SLC5A3: variants seen among roughly 807,000 people sequenced by gnomAD.
SLC5A3 encodes the protein solute carrier family 5 member 3.
Under a neutral mutation model 43.2 loss-of-function variants are expected in SLC5A3, and 10 were observed. The ratio of observed to expected loss-of-function variants is 0.23; its 90% CI spans 0.14 to 0.39. The LOEUF (loss-of-function observed/expected upper bound fraction) is 0.39. SLC5A3 is among the 10% of genes least tolerant of loss of function. The pLI, the probability that SLC5A3 is intolerant of heterozygous loss-of-function variation, is 1.00. For synonymous variants in SLC5A3, 349 were observed against 322.0 expected, an observed-to-expected ratio of 1.08 and a Z score of -0.90; for missense variants, 608 against 893.4, an observed-to-expected ratio of 0.68 and a Z score of 4.07.
intron 1 of SLC5A3, among the ~76,000 whole-genome samples, chr21:34,075,039 T>C (rs1989293460): frequency 6.6e-6 from 1 of 152,232 alleles, no homozygotes; most frequent in Non-Finnish European, 1.5e-5. Context: ...TGAATATCCC[T>C]TTTGGCCCTC....
chr21:34,090,488 G>A (rs1027058301), intron 1 of SLC5A3, among the ~76,000 whole-genome samples: 1 of 152,148 alleles, frequency 6.6e-6, no homozygotes, highest in Non-Finnish European at 1.5e-5. Context: ...TGAGACAGTT[G>A]GGAGTCTAAA....
intron 1 of SLC5A3, among the ~76,000 whole-genome samples, chr21:34,091,203 A>G (rs1978667192): frequency 6.6e-6 from 1 of 152,128 alleles, no homozygotes; most frequent in Non-Finnish European, 1.5e-5. Flanking sequence ...ATTGACTCCA[A>G]AGCTAAAAGA....
intron 1 of SLC5A3, among the ~76,000 whole-genome samples, chr21:34,086,517 TTG>T (rs34988334): frequency 0.73 from 108,651 of 148,224 alleles, 40,330 homozygotes; most frequent in East Asian, 0.88. Flanking sequence ...TAGTTTGTGT[TTG>T]TGTGTGTGTG....
intron 1 of SLC5A3, among the ~76,000 whole-genome samples, chr21:34,093,698 A>G (rs770950238): frequency 2.0e-5 from 3 of 152,238 alleles, no homozygotes; most frequent in Non-Finnish European, 4.4e-5. Flanking sequence ...TGTTGTTCGT[A>G]TTGATCTGTC....
rs774830116 is a variant in SLC5A3, at chr21:34,096,699, A to T, written c.1501A>T (p.Asn501Tyr). The T allele has an allele frequency of 6.2e-7, 1 of 1,614,122 alleles. No individual in the cohort carries two copies. Among genetic ancestry groups the T allele is most frequent in the Non-Finnish European group, 8.5e-7 (1 of 1,179,998 alleles). Residue 501 changes from asparagine (N) to tyrosine (Y), a missense_variant, in exon 2 of 2, where the codon AAT becomes TAT. Physicochemically the swap from Asn to Tyr is moderately radical, Grantham distance 143. Coordinates refer to ENST00000381151, the MANE Select transcript of SLC5A3 (RefSeq NM_006933.7). The surrounding 1 kb of genome is among the most constrained non-coding windows in gnomAD (Gnocchi z 5.9). Reference protein sequence around the residue: ...YRAPECDQPDNRPGFIKDIHY... With the variant: ...YRAPECDQPDYRPGFIKDIHY... ...TGCCCCAGAATGTGACCAACCTGATAATAGGCCGGGCTTCATCAAAGACAT... is the reference window on the plus strand; with the variant it reads ...TGCCCCAGAATGTGACCAACCTGATTATAGGCCGGGCTTCATCAAAGACAT...
rs565490244 is a variant in SLC5A3 at position 34,106,233 on chromosome 21, A to G, written c.*8878A>G. The G allele has an allele frequency of 1.5e-4, 137 of 927,490 alleles. No individual in the cohort carries two copies. Among genetic ancestry groups the G allele is most frequent in the Non-Finnish European group, 1.7e-4 (131 of 763,700 alleles). 57.5% of individuals were successfully genotyped at this position (927,490 alleles called of 1,614,324 possible). On this transcript the variant is annotated 3_prime_UTR_variant, in exon 2 of 2. Coordinates refer to ENST00000381151, the MANE Select transcript of SLC5A3 (RefSeq NM_006933.7). ...TTTATGGAAATGTTAGCAATTCTGT[A>G]CCAACTTTGAATAAAATGAAAAATT...
chr21:34,092,493 T>C (rs5000991), intron 1 of SLC5A3, among the ~76,000 whole-genome samples: 152,294 of 152,294 alleles, frequency 1, 76,147 homozygotes, highest in Non-Finnish European at 1. Context: ...AGGGTACTAT[T>C]TGGTACCTCT....
At position 34,073,633 on chromosome 21, in the gene SLC5A3, C is replaced by T. The variant is rs1434190201; in HGVS notation, c.-449C>T. 3.5e-5 allele frequency: 49 copies of T among 1,400,834 alleles called. 2 individuals are homozygous for T. Among genetic ancestry groups the T allele is most frequent in the Admixed American group, 9.6e-5 (5 of 51,990 alleles). 86.8% of individuals were successfully genotyped at this position (1,400,834 alleles called of 1,614,324 possible). A position where few individuals can be genotyped will look rare whatever the true frequency, so the allele number is the denominator to read the frequency against. ...GCAGTTTCTAGGTCCCCACTGTCCCCGCCGTCCCGCCCCTTCGCGTCCCGG... is the reference window on the plus strand; with the variant it reads ...GCAGTTTCTAGGTCCCCACTGTCCCTGCCGTCCCGCCCCTTCGCGTCCCGG... On this transcript the variant is annotated 5_prime_UTR_variant, in exon 1 of 2. Coordinates refer to ENST00000381151, the MANE Select transcript of SLC5A3 (RefSeq NM_006933.7).
chr21:34,093,577 C>G (rs541260910), intron 1 of SLC5A3, among the ~76,000 whole-genome samples: 1 of 151,594 alleles, frequency 6.6e-6, no homozygotes, highest in South Asian at 2.1e-4. Context: ...AGGAAAATGC[C>G]TAGAATCATC....
chr21:34,103,048 C>G lies in SLC5A3; in HGVS notation c.*5693C>G, dbSNP rs532661552. 1 of 999,916 alleles carries G rather than the reference C, an allele frequency of 1.0e-6. No individual in the cohort carries two copies. Among genetic ancestry groups the G allele is most frequent in the Non-Finnish European group, 1.2e-6 (1 of 829,826 alleles). 61.9% of individuals were successfully genotyped at this position (999,916 alleles called of 1,614,324 possible). Reference sequence around the variant, plus strand: ...CAATTTATCAACATAGCCTAGACTTCTGTAAGTGGAATGTTCATTAGTAAC... The same window carrying G: ...CAATTTATCAACATAGCCTAGACTTGTGTAAGTGGAATGTTCATTAGTAAC... On this transcript the variant is annotated 3_prime_UTR_variant, in exon 2 of 2. Transcript: ENST00000381151.
intron 1 of SLC5A3, among the ~76,000 whole-genome samples, chr21:34,083,764 G>C (rs1186057867): frequency 6.6e-6 from 1 of 152,224 alleles, no homozygotes; most frequent in Non-Finnish European, 1.5e-5. Flanking sequence ...TCTCATGTGT[G>C]GACTAAGTAA....
intron 1 of SLC5A3, among the ~76,000 whole-genome samples, chr21:34,086,066 C>CT (rs1243706971): frequency 1.3e-5 from 2 of 152,190 alleles, no homozygotes. Flanking sequence ...GCTTAATGAC[C>CT]TTAAGTCTCT....
Position 34,097,123 on chromosome 21 carries a change from A to G in SLC5A3, c.1925A>G (p.Lys642Arg), listed in dbSNP as rs1979000670. The change falls in exon 2 of 2, where the codon AAA (lysine) becomes AGA (arginine). Residue 642 changes from lysine (K) to arginine (R), a missense_variant. Lys to Arg is a conservative substitution (Grantham distance 26, BLOSUM62 2). This residue lies in a region of SLC5A3 where 210 missense variants were observed against 224.8 expected (regional missense o/e 0.93). Coordinates refer to ENST00000381151, the MANE Select transcript of SLC5A3 (RefSeq NM_006933.7). ...GGGCAAGCAGCTCTCATGGGTGAGAAAGAGAGAAAGAAAGAAACGGATGAT... is the reference window on the plus strand; with the variant it reads ...GGGCAAGCAGCTCTCATGGGTGAGAGAGAGAGAAAGAAAGAAACGGATGAT... Reference protein sequence around the residue: ...SNGQAALMGEKERKKETDDGG... With the variant: ...SNGQAALMGERERKKETDDGG... The G allele has an allele frequency of 1.2e-6, 2 of 1,614,034 alleles. No homozygotes were observed. Among genetic ancestry groups the G allele is most frequent in the Non-Finnish European group, 1.7e-6 (2 of 1,179,958 alleles).
In SLC5A3 at chr21:34,100,394, TTTC is replaced by T. The variant is rs1979179846; in HGVS notation, c.*3046_*3048del. Reference sequence around the variant, plus strand: ...CCCAGAGAGTAAACACTTGAGCCGATTTCTTCTTCCCCAGCTATTCTTTCCTGG... The same window carrying T: ...CCCAGAGAGTAAACACTTGAGCCGATTTCTTCCCCAGCTATTCTTTCCTGG... On this transcript the variant is annotated 3_prime_UTR_variant, in exon 2 of 2. Coordinates refer to ENST00000381151, the MANE Select transcript of SLC5A3 (RefSeq NM_006933.7). 1.1e-5 allele frequency: 11 copies of T among 1,000,262 alleles called. No homozygotes were observed. The South Asian group carries it at 5.2e-4, about 47-fold the overall frequency. 62.0% of individuals were successfully genotyped at this position (1,000,262 alleles called of 1,614,324 possible).
rs992901881 is a variant in SLC5A3, at chr21:34,100,725, G to T, written c.*3370G>T. 2.0e-6 allele frequency: 2 copies of T among 999,924 alleles called. No individual in the cohort carries two copies. Among genetic ancestry groups the T allele is most frequent in the African/African-American group, 3.5e-5 (2 of 57,138 alleles). The allele number at this position is 999,924 out of a possible 1,614,324, so 61.9% of individuals were successfully genotyped here. A position where few individuals can be genotyped will look rare whatever the true frequency, so the allele number is the denominator to read the frequency against. On this transcript the variant is annotated 3_prime_UTR_variant, in exon 2 of 2. Coordinates refer to ENST00000381151, the MANE Select transcript of SLC5A3 (RefSeq NM_006933.7). ...GGCTAAGCAAGGGGTTAACTCTTGT[G>T]AGAGCCAATAGAGTGTGTCTGTATT...
In SLC5A3 at chr21:34,096,208, T is replaced by G. The variant is rs1185022715; in HGVS notation, c.1010T>G (p.Met337Arg). ...GCTTGCATCAACCCAGAGCACTGCA[T>G]GCTGGTGTGTGGAAGCAGAGCTGGT... ...DIACINPEHC[M>R]LVCGSRAGCS... Residue 337 changes from methionine (M) to arginine (R), a missense_variant, in exon 2 of 2, where the codon ATG (methionine) becomes AGG (arginine). This residue lies in a region of SLC5A3 where 398 missense variants were observed against 668.6 expected (regional missense o/e 0.60). Transcript: ENST00000381151. The surrounding 1 kb of genome is among the most constrained non-coding windows in gnomAD (Gnocchi z 5.9). The G allele has an allele frequency of 6.2e-7, 1 of 1,614,208 alleles. No individual in the cohort carries two copies. The highest frequency in any genetic ancestry group is 1.7e-5 in the Admixed American group (1 of 60,034).
intron 1 of SLC5A3, among the ~76,000 whole-genome samples, chr21:34,081,291 G>A (rs1031579858): frequency 3.9e-5 from 6 of 152,058 alleles, no homozygotes; most frequent in Admixed American, 3.3e-4. Context: ...CCAGGTCATC[G>A]ATTCCATTCT....
In SLC5A3 at chr21:34,073,744, G is replaced by C; in HGVS notation, c.-338G>C. On this transcript the variant is annotated splice_region_variant and 5_prime_UTR_variant, in exon 1 of 2. Coordinates refer to ENST00000381151, the MANE Select transcript of SLC5A3 (RefSeq NM_006933.7). ...GCTTTAATCCTGAAAGCCATGCAGCGGGTAAGTGACCTTCCCTCAGAGCCG... is the reference window on the plus strand; with the variant it reads ...GCTTTAATCCTGAAAGCCATGCAGCCGGTAAGTGACCTTCCCTCAGAGCCG... The C allele has an allele frequency of 6.6e-7, 1 of 1,525,644 alleles. No homozygotes were observed. Among genetic ancestry groups the C allele is most frequent in the Non-Finnish European group, 8.8e-7 (1 of 1,131,762 alleles). 94.5% of individuals were successfully genotyped at this position (1,525,644 alleles called of 1,614,324 possible). A position where few individuals can be genotyped will look rare whatever the true frequency, so the allele number is the denominator to read the frequency against.
At position 34,097,385 on chromosome 21, in the gene SLC5A3, A is replaced by G; in HGVS notation, c.*30A>G. 6.5e-7 allele frequency: 1 copy of G among 1,543,998 alleles called. No individual in the cohort carries two copies. Among genetic ancestry groups the G allele is most frequent in the East Asian group, 2.3e-5 (1 of 44,090 alleles). On this transcript the variant is annotated 3_prime_UTR_variant, in exon 2 of 2. Coordinates refer to ENST00000381151, the MANE Select transcript of SLC5A3 (RefSeq NM_006933.7). Reference sequence around the variant, plus strand: ...AAGGATATGGTGAGACACTAACTTAAGACAATACTGACTGGTCTTTGGGGA... The same window carrying G: ...AAGGATATGGTGAGACACTAACTTAGGACAATACTGACTGGTCTTTGGGGA...
Sources: allele counts gnomAD v4.1 joint callset (sites outside exome capture counted in the v4.1 genomes callset), GRCh38; gene constraint gnomAD v4.1.1; regional missense constraint gnomAD v4.1.1; non-coding constraint Gnocchi (gnomAD v3.1); transcripts MANE v1.5; gene names NCBI Gene and HGNC (gene_info 2026-07-23, HGNC 2026-07-21).